WIPF3: variants seen among roughly 807,000 people sequenced by gnomAD.
The protein encoded by WIPF3 is WAS/WASL-interacting protein family member 3.
A neutral mutation model predicts 38.9 loss-of-function variants in WIPF3; 33 were observed. The observed-to-expected ratio is 0.85, with a 90% CI of 0.64 to 1.14. The LOEUF (loss-of-function observed/expected upper bound fraction) is 1.14. WIPF3 is among the 50% of genes most tolerant of loss of function. The probability of loss-of-function intolerance (pLI) is 0.00; values close to 1 mark genes in which losing one functional copy is unlikely to be tolerated. For missense variants in WIPF3, 711 were observed against 652.5 expected, an observed-to-expected ratio of 1.09 and a Z score of -0.98; for synonymous variants, 324 against 269.3, an observed-to-expected ratio of 1.20 and a Z score of -1.99.
intron 8 of WIPF3, chr7:29,905,182 A>G (rs1391512037): frequency 6.6e-6 from 1 of 152,226 alleles, no homozygotes; most frequent in Non-Finnish European, 1.5e-5. Context: ...GAAAAAGTAC[A>G]TCCTCTAGCA....
chr7:29,887,602 C>T (rs1785909811), intron 5 of WIPF3, among the ~76,000 whole-genome samples: 1 of 152,174 alleles, frequency 6.6e-6, no homozygotes, highest in African/African-American at 2.4e-5. Flanking sequence ...AGGGGCAGAA[C>T]AAGCCCCTGG....
At chr7:29,902,905 C>A (rs1342196651) in intron 7 of WIPF3, among the ~76,000 whole-genome samples, 1 of 151,794 alleles carries the variant, frequency 6.6e-6, no homozygotes, top group Non-Finnish European at 1.5e-5. Context: ...GGAAACATTT[C>A]AGAATATTAT....
chr7:29,907,613 C>T (rs1387427107), intron 8 of WIPF3, among the ~76,000 whole-genome samples: 1 of 152,116 alleles, frequency 6.6e-6, no homozygotes, highest in Admixed American at 6.5e-5. Flanking sequence ...GATTAGTGCC[C>T]TTATAAAATA....
chr7:29,914,937 C>G lies in WIPF3; in HGVS notation c.*421C>G, dbSNP rs1583635295. The G allele has an allele frequency of 6.5e-6, 1 of 153,672 alleles. No homozygotes were observed. Among genetic ancestry groups the G allele is most frequent in the African/African-American group, 2.4e-5 (1 of 41,450 alleles). The allele number at this position is 153,672 out of a possible 1,614,324, so 9.5% of individuals were successfully genotyped here. ...GGCATAATTTCATATTCTCATCACA[C>G]TAACTGCAAAATCAAACCAAATAAT... On this transcript the variant is annotated 3_prime_UTR_variant, in exon 9 of 9. Transcript: ENST00000242140.
At chr7:29,832,300 T>C (rs1219274772) in intron 1 of WIPF3, among the ~76,000 whole-genome samples, 1 of 152,238 alleles carries the variant, frequency 6.6e-6, no homozygotes, top group Non-Finnish European at 1.5e-5. Context: ...ATCTGATAAT[T>C]TGTGCTTGTT....
At chr7:29,873,196 C>T (rs1031638401) in intron 2 of WIPF3, among the ~76,000 whole-genome samples, 3 of 152,184 alleles carry the variant, frequency 2.0e-5, no homozygotes, top group African/African-American at 4.8e-5. Context: ...CCCTCCCCTC[C>T]AATCCCCAAG....
intron 8 of WIPF3, among the ~76,000 whole-genome samples, chr7:29,911,361 C>T (rs941135149): frequency 6.6e-6 from 1 of 152,068 alleles, no homozygotes; most frequent in Non-Finnish European, 1.5e-5. Flanking sequence ...TCAGTGTAAA[C>T]CCTACCGAAA....
chr7:29,883,609 A>G (rs1785767967), intron 4 of WIPF3, among the ~76,000 whole-genome samples: 1 of 152,116 alleles, frequency 6.6e-6, no homozygotes, highest in Non-Finnish European at 1.5e-5. Flanking sequence ...TGGCATGGAT[A>G]GGAGGGCTGG....
intron 2 of WIPF3, among the ~76,000 whole-genome samples, chr7:29,835,584 G>A (rs1279059418): frequency 6.6e-6 from 1 of 152,132 alleles, no homozygotes; most frequent in Admixed American, 6.5e-5. Flanking sequence ...ATGTCCCCTT[G>A]TGGGGCAAAA....
intron 6 of WIPF3, among the ~76,000 whole-genome samples, chr7:29,888,553 A>T (rs1785939227): frequency 6.6e-6 from 1 of 151,868 alleles, no homozygotes; most frequent in Admixed American, 6.6e-5. Flanking sequence ...AAATCAATGC[A>T]TAAGCCTGAA....
intron 8 of WIPF3, among the ~76,000 whole-genome samples, chr7:29,911,761 TATC>T (rs1422023998): frequency 1.3e-5 from 2 of 152,168 alleles, no homozygotes; most frequent in East Asian, 3.8e-4. Context: ...CCCCTTCTAA[TATC>T]ATGTACAAAA....
intron 1 of WIPF3, among the ~76,000 whole-genome samples, chr7:29,811,416 G>A (rs187066773): frequency 7.2e-5 from 11 of 152,220 alleles, no homozygotes; most frequent in Admixed American, 1.3e-4. Context: ...GGGAACACAC[G>A]GGTTAGAAAG....
chr7:29,879,120 C>G lies in WIPF3; in HGVS notation c.335C>G (p.Ala112Gly). Residue 112 changes from alanine (A) to glycine (G), a missense_variant, in exon 4 of 9, where the codon GCA (alanine) becomes GGA (glycine). By Grantham distance (60) the Ala-to-Gly change is moderately conservative (BLOSUM62 0). Coordinates refer to ENST00000242140, the MANE Select transcript of WIPF3 (RefSeq NM_001080529.3). ...GGTGGCTTTCCTGTATTGCGACCAG[C>G]AGGCCAGCGGGATGTAGCAGGTAAG... ...FAGGFPVLRP[A>G]GQRDVAGGKT... 2 of 1,612,244 alleles carry G rather than the reference C, an allele frequency of 1.2e-6. No individual in the cohort carries two copies. The highest frequency in any genetic ancestry group is 1.7e-6 in the Non-Finnish European group (2 of 1,179,134).
intron 1 of WIPF3, among the ~76,000 whole-genome samples, chr7:29,809,403 C>T (rs541215605): frequency 1.3e-5 from 2 of 152,346 alleles, no homozygotes; most frequent in Admixed American, 6.5e-5. Flanking sequence ...GCAAGTTTGC[C>T]TTGTCACAGT....
chr7:29,824,552 A>T (rs1302038800), intron 1 of WIPF3, among the ~76,000 whole-genome samples: 4 of 134,066 alleles, frequency 3.0e-5, no homozygotes, highest in Admixed American at 7.4e-5. Context: ...TGTATTTTTA[A>T]AAAAAAAAAA....
At chr7:29,910,344 C>G (rs1047298284) in intron 8 of WIPF3, among the ~76,000 whole-genome samples, 4 of 152,124 alleles carry the variant, frequency 2.6e-5, no homozygotes, top group Non-Finnish European at 5.9e-5. Flanking sequence ...TGAATTCTGC[C>G]AAACGTTCAA....
At chr7:29,885,376 C>G (rs1785854669) in intron 5 of WIPF3, among the ~76,000 whole-genome samples, 1 of 152,210 alleles carries the variant, frequency 6.6e-6, no homozygotes, top group African/African-American at 2.4e-5. Flanking sequence ...CATATGCACA[C>G]TCATAACACA....
chr7:29,886,743 G>A (rs555726919), intron 5 of WIPF3, among the ~76,000 whole-genome samples: 6 of 152,060 alleles, frequency 3.9e-5, no homozygotes, highest in East Asian at 3.9e-4. Context: ...CACCACTTGG[G>A]TTTGTTTTTT....
intron 2 of WIPF3, among the ~76,000 whole-genome samples, chr7:29,838,415 G>T (rs1784853329): frequency 6.6e-6 from 1 of 151,878 alleles, no homozygotes; most frequent in Non-Finnish European, 1.5e-5. Flanking sequence ...TAGATATACA[G>T]AAATATATAG....
Sources: gnomAD v4.1 joint callset for allele counts (sites outside exome capture counted in the v4.1 genomes callset) on GRCh38, gnomAD v4.1.1 for gene constraint, MANE v1.5 for transcripts, NCBI Gene and HGNC (gene_info 2026-07-23, HGNC 2026-07-21) for gene names.